Variants in RNF6 observed in about 807,000 individuals in gnomAD.
RNF6 encodes the protein ring finger protein 6.
RNF6 carries 21 observed loss-of-function variants against 50.1 expected under a neutral mutation model. That is an observed-to-expected ratio of 0.42 (90% confidence interval 0.30 to 0.60). The LOEUF (loss-of-function observed/expected upper bound fraction) is 0.60. Ranked by LOEUF, RNF6 falls within the 20% of genes least tolerant of loss-of-function variation. The pLI is 0.20. For synonymous variants in RNF6, 255 were observed against 291.8 expected (o/e 0.87, Z 1.29); for missense variants, 698 against 838.2 (o/e 0.83, Z 2.07).
intron 3 of RNF6, chr13:26,219,202 C>A (rs1438514770): frequency 3.1e-6 from 1 of 323,818 alleles, no homozygotes; most frequent in Non-Finnish European, 5.6e-6. Flanking sequence ...ATACTTAACA[C>A]CATTATGTAC....
chr13:26,206,699 G>A (rs1376537732), intron 5 of RNF6, among the ~76,000 whole-genome samples: 2 of 152,088 alleles, frequency 1.3e-5, no homozygotes, highest in South Asian at 2.1e-4. Flanking sequence ...GAAGCTATTT[G>A]TAAGCCAGGC....
intron 3 of RNF6, 122 bp downstream of exon 3, chr13:26,219,335 A>G: frequency 1.2e-6 from 1 of 858,710 alleles, no homozygotes; most frequent in South Asian, 2.3e-5. Context: ...TAAACTCACA[A>G]AAACAATATA....
At position 26,157,956 on chromosome 13, in the gene RNF6, AAGATAGATAGATAGATAGAT is replaced by A. The variant is rs151267109; in HGVS notation, n.769-25525_769-25506del. Among the ~76,000 whole-genome samples, 6 of 146,746 alleles carry A rather than the reference AAGATAGATAGATAGATAGAT, an allele frequency of 4.1e-5. No individual in the cohort carries two copies. The East Asian group carries it at 6.0e-4, about 15-fold the overall frequency. On this transcript the variant is annotated intron_variant and non_coding_transcript_variant, in intron 5 of 5. Transcript: ENST00000468480. Reference sequence around the variant, plus strand: ...GATAGATGGATGGCTAGCTAGCTAGAAGATAGATAGATAGATAGATAGATAGATAGATAGATAGATAGAAG... The same window carrying A: ...GATAGATGGATGGCTAGCTAGCTAGAAGATAGATAGATAGATAGATAGAAG...
In RNF6 at chr13:26,193,352, G is replaced by A. The variant is rs964152553; in HGVS notation, n.768+22122C>T. Reference sequence around the variant, plus strand: ...GAGATTGAGAAGAGGTCAGTAATACGGAAGGAAAGCCAGGAGACTGGTATC... The same window carrying A: ...GAGATTGAGAAGAGGTCAGTAATACAGAAGGAAAGCCAGGAGACTGGTATC... On this transcript the variant is annotated intron_variant and non_coding_transcript_variant, in intron 5 of 5. Transcript: ENST00000468480. 6.6e-5 allele frequency among the ~76,000 whole-genome samples: 10 copies of A among 152,258 alleles called. No homozygotes were observed. The East Asian group carries it at 1.2e-3, about 18-fold the overall frequency.
chr13:26,145,141 G>C (rs971129245), intron 5 of RNF6, among the ~76,000 whole-genome samples: 2 of 152,224 alleles, frequency 1.3e-5, no homozygotes, highest in African/African-American at 4.8e-5. Context: ...AAAAGGATTT[G>C]CCAGATCAAT....
intron 5 of RNF6, among the ~76,000 whole-genome samples, chr13:26,207,134 A>G (rs1038360357): frequency 2.0e-5 from 3 of 151,946 alleles, no homozygotes; most frequent in Non-Finnish European, 4.4e-5. Context: ...GAGGACTTGC[A>G]GGAGTGACAC....
At chr13:26,193,115 A>G (rs1868524940) in intron 5 of RNF6, among the ~76,000 whole-genome samples, 1 of 152,180 alleles carries the variant, frequency 6.6e-6, no homozygotes, top group African/African-American at 2.4e-5. Context: ...TTGGGTGCCT[A>G]TTATACACCC....
At chr13:26,160,544 C>CTTTTTT (rs398022018) in intron 5 of RNF6, among the ~76,000 whole-genome samples, 1 of 24,312 alleles carries the variant, frequency 4.1e-5, no homozygotes, top group Non-Finnish European at 9.1e-5. Flanking sequence ...TCTTCTTCTT[C>CTTTTTT]TTTTTTTTTT....
chr13:26,140,189 C>T (rs1229259079), intron 5 of RNF6, among the ~76,000 whole-genome samples: 1 of 152,168 alleles, frequency 6.6e-6, no homozygotes. Flanking sequence ...ATTTCATTTT[C>T]TATTGCTTAT....
At chr13:26,148,159 G>A (rs543370061) in intron 5 of RNF6, among the ~76,000 whole-genome samples, 4 of 152,140 alleles carry the variant, frequency 2.6e-5, no homozygotes, top group Non-Finnish European at 5.9e-5. Flanking sequence ...AAGAGAGCAC[G>A]GAAGCACCAT....
At chr13:26,200,858 A>T (rs1301775542) in intron 5 of RNF6, among the ~76,000 whole-genome samples, 1 of 152,226 alleles carries the variant, frequency 6.6e-6, no homozygotes, top group Non-Finnish European at 1.5e-5. Flanking sequence ...ACCTGTGAGC[A>T]TGAATTCTGA....
At chr13:26,202,348 C>T (rs1393328474) in intron 5 of RNF6, among the ~76,000 whole-genome samples, 3 of 152,184 alleles carry the variant, frequency 2.0e-5, no homozygotes, top group African/African-American at 4.8e-5. Context: ...CAAGGGGGTG[C>T]TGCCACCCTC....
intron 5 of RNF6, among the ~76,000 whole-genome samples, chr13:26,199,789 A>G (rs1868824393): frequency 6.6e-6 from 1 of 152,182 alleles, no homozygotes; most frequent in Non-Finnish European, 1.5e-5. Context: ...AAAAATAAGT[A>G]CAGAAAAAGA....
intron 5 of RNF6, among the ~76,000 whole-genome samples, chr13:26,181,124 A>G (rs1241607986): frequency 1.3e-5 from 2 of 152,118 alleles, no homozygotes; most frequent in East Asian, 1.9e-4. Flanking sequence ...TGTACTTGAC[A>G]AGGCACCGGA....
chr13:26,139,840 T>A (rs1406702115), intron 5 of RNF6, among the ~76,000 whole-genome samples: 4 of 152,190 alleles, frequency 2.6e-5, no homozygotes, highest in African/African-American at 9.6e-5. Flanking sequence ...CTTTTTTCTT[T>A]TCTTTTCATT....
chr13:26,153,660 C>T (rs1018032630), intron 5 of RNF6, among the ~76,000 whole-genome samples: 1 of 152,126 alleles, frequency 6.6e-6, no homozygotes, highest in African/African-American at 2.4e-5. Flanking sequence ...CAGGAATAAA[C>T]CAGATTATGG....
chr13:26,150,045 T>G (rs1447656542), intron 5 of RNF6, among the ~76,000 whole-genome samples: 1 of 91,040 alleles, frequency 1.1e-5, no homozygotes, highest in Non-Finnish European at 2.4e-5. Context: ...GTATATATAA[T>G]GTGTATATAT....
chr13:26,215,139 G>C lies in RNF6; in HGVS notation c.743C>G (p.Ala248Gly). The change falls in exon 5 of 5, where the codon GCT becomes GGT. Residue 248 changes from alanine to glycine, a missense_variant. Physicochemically the swap from Ala to Gly is moderately conservative, Grantham distance 60. Transcript: ENST00000381588. ...GIGGAAGIPR[A>G]NASRTNFSSH... ...ACTGAAATTAGTGCGTGAAGCGTTA[G>C]CTCGAGGAATGCCAGCTGCTCCCCC... The C allele has an allele frequency of 6.2e-7, 1 of 1,614,192 alleles. No individual in the cohort carries two copies. The highest frequency in any genetic ancestry group is 1.3e-5 in the African/African-American group (1 of 75,050).
In RNF6 at chr13:26,213,976, T is replaced by C. The variant is rs910480388; in HGVS notation, c.1906A>G (p.Ile636Val). 1.5e-5 allele frequency: 24 copies of C among 1,614,114 alleles called. No individual in the cohort carries two copies. Among genetic ancestry groups the C allele is most frequent in the Non-Finnish European group, 2.0e-5 (24 of 1,180,036 alleles). The change falls in exon 5 of 5, where the codon ATT becomes GTT. Residue 636 changes from isoleucine to valine, a missense_variant. Coordinates refer to ENST00000381588, the MANE Select transcript of RNF6 (RefSeq NM_005977.4). ...SELGKICSVC[I>V]SDYVTGNKLR... ...TTGTTTCCAGTTACATAGTCACTAA[T>C]ACAAACACTACAGATTTTACCTAGT...
Sources: allele counts gnomAD v4.1 joint callset (sites outside exome capture counted in the v4.1 genomes callset), GRCh38; gene constraint gnomAD v4.1.1; transcripts MANE v1.5; gene names NCBI Gene and HGNC (gene_info 2026-07-23, HGNC 2026-07-21).